Variants in ARHGEF18 observed in about 807,000 individuals in gnomAD.
ARHGEF18 encodes rho guanine nucleotide exchange factor 18.
A neutral mutation model predicts 155.7 loss-of-function variants in ARHGEF18; 93 were observed. That is an observed-to-expected ratio of 0.60 (90% CI 0.50 to 0.71). The LOEUF is 0.71. ARHGEF18 is among the 30% of genes least tolerant of loss of function. The pLI is 0.00. For missense variants in ARHGEF18, 1,593 were observed against 1,816.1 expected, an observed-to-expected ratio of 0.88 and a Z score of 2.23; for synonymous variants, 742 against 753.1, an observed-to-expected ratio of 0.99 and a Z score of 0.24.
At position 7,387,139 on chromosome 19, in the gene ARHGEF18, TTTG is replaced by T. The variant is rs199753558; in HGVS notation, c.967+3951_967+3953del. Among the ~76,000 whole-genome samples, 643 of 152,092 alleles carry T rather than the reference TTTG, an allele frequency of 4.2e-3. 37 individuals carry two copies. The East Asian group carries it at 0.11, about 25-fold the overall frequency. The stretch of plus-strand genomic sequence containing the variant: ...GGCAAACTGCAGTCCATCACCTGTT[TTTG>T]TTGTTGTTGTTGTTTGTTTGTTTGT... On this transcript the variant is annotated intron_variant, in intron 10 of 28. Transcript: ENST00000668164.
chr19:7,473,552 G>A (rs142993417), downstream of ARHGEF18, among the ~76,000 whole-genome samples: 744 of 151,602 alleles, frequency 4.9e-3, 21 homozygotes, highest in East Asian at 0.095. Context: ...TGGCTCACGC[G>A]TGTAATCCCA....
chr19:7,428,392 G>A (rs1471870002), intron 10 of ARHGEF18, among the ~76,000 whole-genome samples: 2 of 146,608 alleles, frequency 1.4e-5, no homozygotes, highest in African/African-American at 5.5e-5. Context: ...ACGGCCTGTT[G>A]CATGGAGATT....
At chr19:7,477,124 C>T, downstream of ARHGEF18, 5 of 1,319,762 alleles carry the variant, frequency 3.8e-6, no homozygotes, top group Non-Finnish European at 5.0e-6. Context: ...GAGCCCCGGC[C>T]CCTGCCCTGG....
intron 10 of ARHGEF18, among the ~76,000 whole-genome samples, chr19:7,422,247 G>A (rs753934696): frequency 2.0e-5 from 3 of 151,954 alleles, no homozygotes; most frequent in South Asian, 2.1e-4. Flanking sequence ...GAAGAGTGTC[G>A]TAGGGCAGCA....
intron 10 of ARHGEF18, among the ~76,000 whole-genome samples, chr19:7,424,959 A>G (rs1973572179): frequency 6.6e-6 from 1 of 150,740 alleles, no homozygotes; most frequent in Non-Finnish European, 1.5e-5. Flanking sequence ...ACGCCACTGC[A>G]CTCCAGCCTG....
Position 7,395,169 on chromosome 19 carries a change from GC to G in ARHGEF18, c.967+11968del. ...TGCTAGCTACTGTGGATCTGGGGGGGCCGGACGGAGGCATCGGAGGCGGCTG... is the reference window on the plus strand; with the variant it reads ...TGCTAGCTACTGTGGATCTGGGGGGGCGGACGGAGGCATCGGAGGCGGCTG... On this transcript the variant is annotated intron_variant, in intron 10 of 28. Coordinates refer to ENST00000668164, the MANE Select transcript of ARHGEF18 (RefSeq NM_001367823.1). This position sits in a 1 kb window ranked among gnomAD's most constrained non-coding sequence, Gnocchi z 5.0. 1.0e-6 allele frequency: 1 copy of G among 986,032 alleles called. No individual in the cohort carries two copies. The highest frequency in any genetic ancestry group is 1.2e-6 in the Non-Finnish European group (1 of 830,392). The allele number at this position is 986,032 out of a possible 1,614,324, so 61.1% of individuals were successfully genotyped here.
intron 11 of ARHGEF18, among the ~76,000 whole-genome samples, chr19:7,441,402 A>T (rs1003806386): frequency 1.3e-5 from 2 of 151,724 alleles, no homozygotes; most frequent in African/African-American, 4.8e-5. Context: ...CTGGTCTCGA[A>T]CTCCTGACCT....
At chr19:7,391,139 A>C (rs1971379974) in intron 10 of ARHGEF18, among the ~76,000 whole-genome samples, 1 of 152,128 alleles carries the variant, frequency 6.6e-6, no homozygotes, top group South Asian at 2.1e-4. Context: ...GGAGGCATGA[A>C]GGGGCCAAAA....
intron 2 of ARHGEF18, among the ~76,000 whole-genome samples, chr19:7,370,637 G>C (rs1970161699): frequency 6.6e-6 from 1 of 152,184 alleles, no homozygotes. Context: ...GTTGATAGCA[G>C]CGTTATTCAC....
chr19:7,416,303 G>A (rs1220615262), intron 10 of ARHGEF18, among the ~76,000 whole-genome samples: 1 of 152,006 alleles, frequency 6.6e-6, no homozygotes, highest in Non-Finnish European at 1.5e-5. Flanking sequence ...CTACTTGGGA[G>A]GCTGAGGCAG....
At chr19:7,378,779 G>GC (rs1394911146) in intron 6 of ARHGEF18, among the ~76,000 whole-genome samples, 2 of 140,934 alleles carry the variant, frequency 1.4e-5, no homozygotes, top group Non-Finnish European at 3.0e-5. Flanking sequence ...TGCAGCCTCT[G>GC]CCCCCTGGGT....
chr19:7,370,467 G>C (rs921746706), intron 2 of ARHGEF18, among the ~76,000 whole-genome samples: 1 of 152,098 alleles, frequency 6.6e-6, no homozygotes, highest in African/African-American at 2.4e-5. Flanking sequence ...CTGCACTCCA[G>C]CCTGGGCAAC....
chr19:7,430,265 G>A (rs1015471975), intron 10 of ARHGEF18, among the ~76,000 whole-genome samples: 3 of 152,050 alleles, frequency 2.0e-5, no homozygotes, highest in Admixed American at 6.6e-5. Context: ...GCAGTGGCAT[G>A]ATCATGGCTC....
At chr19:7,477,882 C>T in the ARHGEF18 span, among the ~76,000 whole-genome samples, 1 of 152,204 alleles carries the variant, frequency 6.6e-6, no homozygotes. Flanking sequence ...ATTAGCCAGG[C>T]GTGCTGGCCC....
intron 10 of ARHGEF18, among the ~76,000 whole-genome samples, chr19:7,408,136 A>G (rs893090323): frequency 1.3e-5 from 2 of 151,928 alleles, no homozygotes; most frequent in Non-Finnish European, 2.9e-5. Flanking sequence ...AAAATTATCC[A>G]GGCATTGTGG....
At position 7,426,404 on chromosome 19, in the gene ARHGEF18, T is replaced by C. The variant is rs1218138295; in HGVS notation, c.968-13940T>C. On this transcript the variant is annotated intron_variant, in intron 10 of 28. Transcript: ENST00000668164. ...CAGGAGGCTGAGGCAGGATAATTGCTTGAACCTGGGAGGCAGAGGTTGCAG... is the reference window on the plus strand; with the variant it reads ...CAGGAGGCTGAGGCAGGATAATTGCCTGAACCTGGGAGGCAGAGGTTGCAG... Among the ~76,000 whole-genome samples the C allele has an allele frequency of 8.0e-5, 12 of 150,060 alleles. No individual in the cohort carries two copies. In the Admixed American group the frequency reaches 8.1e-4, roughly 10 times the overall value.
At chr19:7,426,051 T>C (rs1463854241) in intron 10 of ARHGEF18, among the ~76,000 whole-genome samples, 1 of 152,044 alleles carries the variant, frequency 6.6e-6, no homozygotes, top group African/African-American at 2.4e-5. Flanking sequence ...TGGTGGCACA[T>C]GCCTATAGTC....
At chr19:7,474,630 G>A (rs188998697), downstream of ARHGEF18, among the ~76,000 whole-genome samples, 1,231 of 151,862 alleles carry the variant, frequency 8.1e-3, 13 homozygotes, top group Non-Finnish European at 0.014. Flanking sequence ...TGCCTGTCTC[G>A]GCCTCCCAAA....
intron 10 of ARHGEF18, among the ~76,000 whole-genome samples, chr19:7,437,218 T>A (rs1372658741): frequency 1.3e-5 from 2 of 151,986 alleles, no homozygotes; most frequent in Non-Finnish European, 2.9e-5. Context: ...CACCTGAAGT[T>A]GGGAGTTCGA....
Sources: gnomAD v4.1 joint callset for allele counts (sites outside exome capture counted in the v4.1 genomes callset) on GRCh38, gnomAD v4.1.1 for gene constraint, Gnocchi (gnomAD v3.1) non-coding constraint, MANE v1.5 for transcripts, NCBI Gene and HGNC (gene_info 2026-07-23, HGNC 2026-07-21) for gene names.